PCCA: variants seen among roughly 807,000 people sequenced by gnomAD.
The protein encoded by PCCA is propionyl-CoA carboxylase alpha chain, mitochondrial.
In PCCA, 74 loss-of-function variants were observed where a neutral mutation model predicts 101.3. The observed-to-expected ratio is 0.73, with a 90% confidence interval of 0.61 to 0.89. PCCA has a LOEUF of 0.89. Among genes scored for constraint, PCCA ranks in the 40% least tolerant of loss-of-function variants. The pLI, the probability that PCCA is intolerant of heterozygous loss-of-function variation, is 0.00. For missense variants in PCCA, 891 were observed against 907.0 expected, an observed-to-expected ratio of 0.98 and a Z score of 0.23; for synonymous variants, 294 against 313.6, an observed-to-expected ratio of 0.94 and a Z score of 0.66.
In PCCA at chr13:100,263,082, T is replaced by A. The variant is rs115019877; in HGVS notation, c.819+251T>A. 0.014 allele frequency among the ~76,000 whole-genome samples: 2,068 copies of A among 152,224 alleles called. 39 individuals carry two copies. Among genetic ancestry groups the A allele is most frequent in the African/African-American group, 0.048 (1,980 of 41,544 alleles). On this transcript the variant is annotated intron_variant, in intron 10 of 23. Coordinates refer to ENST00000376285, the MANE Select transcript of PCCA (RefSeq NM_000282.4). ...GACTGGACCATTATAGGGCATTTTTTAAAAAAGAAAAGTGCCTGACCTGGA... is the reference window on the plus strand; with the variant it reads ...GACTGGACCATTATAGGGCATTTTTAAAAAAAGAAAAGTGCCTGACCTGGA...
intron 12 of PCCA, among the ~76,000 whole-genome samples, chr13:100,284,088 C>T (rs1467347375): frequency 5.3e-5 from 8 of 152,216 alleles, no homozygotes; most frequent in African/African-American, 1.9e-4. Context: ...CTGGCACGGC[C>T]TTCTCAGTGT....
intron 20 of PCCA, among the ~76,000 whole-genome samples, chr13:100,429,111 G>T (rs1380632885): frequency 6.6e-6 from 1 of 152,096 alleles, no homozygotes; most frequent in Non-Finnish European, 1.5e-5. Context: ...GGCACTGTGT[G>T]CAGAAGGGAT....
chr13:100,370,562 C>A (rs982169418), intron 19 of PCCA, among the ~76,000 whole-genome samples: 1 of 152,104 alleles, frequency 6.6e-6, no homozygotes, highest in Non-Finnish European at 1.5e-5. Context: ...AAAATATCCA[C>A]CTTAGTATAT....
At chr13:100,315,669 G>A (rs1330303580) in intron 16 of PCCA, among the ~76,000 whole-genome samples, 1 of 152,178 alleles carries the variant, frequency 6.6e-6, no homozygotes, top group Non-Finnish European at 1.5e-5. Flanking sequence ...TCTAGCTGAT[G>A]TCTGGGCAGT....
chr13:100,212,778 G>C lies in PCCA; in HGVS notation c.600+3315G>C, dbSNP rs149232072. On this transcript the variant is annotated intron_variant, in intron 7 of 23. Coordinates refer to ENST00000376285, the MANE Select transcript of PCCA (RefSeq NM_000282.4). ...AATGTACAATAAATTATTGTTGACT[G>C]TAATCACTTTGTTGTGCTGTCGAAT... Among the ~76,000 whole-genome samples the C allele has an allele frequency of 9.2e-4, 139 of 151,882 alleles. 1 individual carries two copies. Among genetic ancestry groups the C allele is most frequent in the African/African-American group, 3.3e-3 (137 of 41,414 alleles).
chr13:100,247,373 C>T (rs1035309456), intron 8 of PCCA, among the ~76,000 whole-genome samples: 1 of 151,634 alleles, frequency 6.6e-6, no homozygotes, highest in Non-Finnish European at 1.5e-5. Context: ...CCTGCCTCCA[C>T]GCCCGGCTAA....
intron 19 of PCCA, among the ~76,000 whole-genome samples, chr13:100,390,256 ATAAGTAC>A: frequency 6.6e-6 from 1 of 152,368 alleles, no homozygotes; most frequent in East Asian, 1.9e-4. Flanking sequence ...CCTATAAAGC[ATAAGTAC>A]TATTATTAGT....
chr13:100,433,562 C>A (rs2079713271), intron 20 of PCCA, among the ~76,000 whole-genome samples: 1 of 151,746 alleles, frequency 6.6e-6, no homozygotes, highest in Admixed American at 6.6e-5. Context: ...AAACCACATA[C>A]CATTCTAACA....
chr13:100,380,042 C>G (rs1281392174), intron 19 of PCCA, among the ~76,000 whole-genome samples: 2 of 152,026 alleles, frequency 1.3e-5, no homozygotes, highest in Non-Finnish European at 2.9e-5. Context: ...AACACACACA[C>G]ACACACACAC....
intron 7 of PCCA, among the ~76,000 whole-genome samples, chr13:100,216,259 A>G (rs1218689035): frequency 6.6e-6 from 1 of 152,220 alleles, no homozygotes; most frequent in Admixed American, 6.5e-5. Context: ...AGAAAGAATA[A>G]CAAGCGCAAG....
chr13:100,175,247 A>G (rs1398211075), intron 6 of PCCA, among the ~76,000 whole-genome samples: 1 of 152,220 alleles, frequency 6.6e-6, no homozygotes, highest in Admixed American at 6.5e-5. Context: ...TGAATAAACC[A>G]ATAGATTAGT....
intron 21 of PCCA, chr13:100,490,903 G>T (rs1302322638): frequency 6.6e-6 from 1 of 152,296 alleles, no homozygotes. Flanking sequence ...GGTGCTCAGG[G>T]CCCAGAACCC....
chr13:100,157,908 T>C (rs2054043190), intron 6 of PCCA, among the ~76,000 whole-genome samples: 2 of 152,252 alleles, frequency 1.3e-5, no homozygotes, highest in Non-Finnish European at 2.9e-5. Flanking sequence ...TTAGATCAAT[T>C]ATGCCAGGTA....
intron 21 of PCCA, among the ~76,000 whole-genome samples, chr13:100,470,783 C>T (rs757754344): frequency 3.3e-5 from 5 of 152,100 alleles, no homozygotes; most frequent in East Asian, 1.9e-4. Flanking sequence ...CGCTTGAACC[C>T]GGGAGGCGGA....
chr13:100,461,178 T>C (rs1228108388), intron 21 of PCCA, among the ~76,000 whole-genome samples: 1 of 152,244 alleles, frequency 6.6e-6, no homozygotes, highest in African/African-American at 2.4e-5. Context: ...GTGGGGTTGT[T>C]ATTGCTACTA....
At chr13:100,167,063 A>G (rs768689863) in intron 6 of PCCA, among the ~76,000 whole-genome samples, 1 of 152,082 alleles carries the variant, frequency 6.6e-6, no homozygotes, top group Non-Finnish European at 1.5e-5. Flanking sequence ...TGCTTGTCTT[A>G]TTTAGACATA....
At position 100,303,040 on chromosome 13, in the gene PCCA, G is replaced by A. The variant is rs145057165; in HGVS notation, c.1284+42G>A. 6.0e-5 allele frequency: 64 copies of A among 1,058,452 alleles called. 1 individual carries two copies. In the African/African-American group the frequency reaches 7.0e-4, roughly 12 times the overall value. The allele number at this position is 1,058,452 out of a possible 1,614,324, so 65.6% of individuals were successfully genotyped here. A position where few individuals can be genotyped will look rare whatever the true frequency, so the allele number is the denominator to read the frequency against. On this transcript the variant is annotated intron_variant, in intron 14 of 23. Transcript: ENST00000376285. Reference sequence around the variant, plus strand: ...TAATACCAGCTGAAGGGTTAAAATCGTGATTTATGTCATACTTTTATGTTA... The same window carrying A: ...TAATACCAGCTGAAGGGTTAAAATCATGATTTATGTCATACTTTTATGTTA...
chr13:100,335,602 C>G (rs2070324948), intron 17 of PCCA, among the ~76,000 whole-genome samples: 1 of 152,222 alleles, frequency 6.6e-6, no homozygotes, highest in South Asian at 2.1e-4. Context: ...TAAGGCGACT[C>G]TCTTTCCCTC....
chr13:100,402,137 G>T (rs571827541), intron 19 of PCCA, among the ~76,000 whole-genome samples: 7 of 152,136 alleles, frequency 4.6e-5, no homozygotes, highest in Non-Finnish European at 1.0e-4. Context: ...AGCATATATG[G>T]ATTTTTAAAT....
Sources: allele counts gnomAD v4.1 joint callset (sites outside exome capture counted in the v4.1 genomes callset), GRCh38; gene constraint gnomAD v4.1.1; transcripts MANE v1.5; gene names NCBI Gene and HGNC (gene_info 2026-07-23, HGNC 2026-07-21).